The following DCC variants were observed in gnomAD, a reference collection of about 807,000 sequenced individuals.
DCC encodes the protein netrin receptor DCC.
A neutral mutation model predicts 172.5 loss-of-function variants in DCC; 58 were observed. That is an observed-to-expected ratio of 0.34 (90% CI 0.27 to 0.42). The LOEUF (loss-of-function observed/expected upper bound fraction) is 0.42, where lower values mean the gene tolerates loss of function less well. Ranked by LOEUF, DCC falls within the 10% of genes least tolerant of loss-of-function variation. The pLI is 1.00. For missense variants in DCC, 1,740 were observed against 1,791.0 expected (o/e 0.97, Z 0.51); for synonymous variants, 709 against 644.5 (o/e 1.10, Z -1.52).
intron 5 of DCC, among the ~76,000 whole-genome samples, chr18:53,004,498 G>A (rs1351050031): frequency 6.6e-6 from 1 of 152,162 alleles, no homozygotes; most frequent in African/African-American, 2.4e-5. Context: ...AATTTCTTAA[G>A]CATTGTCTTT....
intron 1 of DCC, among the ~76,000 whole-genome samples, chr18:52,580,970 A>G (rs2033530477): frequency 6.6e-6 from 1 of 152,100 alleles, no homozygotes; most frequent in Non-Finnish European, 1.5e-5. Flanking sequence ...TATCTGTTCA[A>G]TGTGTTCAGT....
chr18:52,516,687 G>A (rs2031652962), intron 1 of DCC, among the ~76,000 whole-genome samples: 1 of 152,122 alleles, frequency 6.6e-6, no homozygotes, highest in Non-Finnish European at 1.5e-5. Context: ...TTAAATACCT[G>A]AAAAGGTCAT....
chr18:52,981,666 CAAT>C (rs765940480), intron 5 of DCC, among the ~76,000 whole-genome samples: 2 of 151,998 alleles, frequency 1.3e-5, no homozygotes, highest in East Asian at 1.9e-4. Flanking sequence ...TCTACGCAAT[CAAT>C]AATATTTTTT....
chr18:52,438,040 A>G (rs1175445448), intron 1 of DCC, among the ~76,000 whole-genome samples: 2 of 152,210 alleles, frequency 1.3e-5, no homozygotes, highest in African/African-American at 2.4e-5. Context: ...TTTCAGGTAG[A>G]ACAGCAATAC....
chr18:53,334,620 C>T (rs139775590), intron 14 of DCC, among the ~76,000 whole-genome samples: 1 of 152,154 alleles, frequency 6.6e-6, no homozygotes. Context: ...CCACCATTCT[C>T]TTTTCTGTCT....
chr18:52,976,178 T>C (rs953240992), intron 5 of DCC, among the ~76,000 whole-genome samples: 3 of 152,154 alleles, frequency 2.0e-5, no homozygotes, highest in Non-Finnish European at 2.9e-5. Flanking sequence ...TCATGTCCTT[T>C]GCTCACATTT....
chr18:53,420,163 C>T (rs1302044160), intron 21 of DCC, among the ~76,000 whole-genome samples: 1 of 152,136 alleles, frequency 6.6e-6, no homozygotes, highest in African/African-American at 2.4e-5. Flanking sequence ...CCCAAAAGCC[C>T]TGATTTTAAC....
chr18:52,389,695 A>G (rs1985953582), intron 1 of DCC, among the ~76,000 whole-genome samples: 1 of 152,166 alleles, frequency 6.6e-6, no homozygotes, highest in Non-Finnish European at 1.5e-5. Context: ...AGAATAATTT[A>G]GCAGAAGCTA....
intron 1 of DCC, among the ~76,000 whole-genome samples, chr18:52,561,180 T>C (rs1175255369): frequency 6.6e-6 from 1 of 152,078 alleles, no homozygotes; most frequent in African/African-American, 2.4e-5. Context: ...TGGTTAAATA[T>C]ATTTTATTGG....
chr18:53,397,289 C>G lies in DCC; in HGVS notation c.2689-19C>G. 1 of 1,610,108 alleles carries G rather than the reference C, an allele frequency of 6.2e-7. No homozygotes were observed. Among genetic ancestry groups the G allele is most frequent in the South Asian group, 1.1e-5 (1 of 90,972 alleles). On this transcript the variant is annotated intron_variant, in intron 17 of 28. Transcript: ENST00000442544. ...ATAGAGTTTATTTTTTATCTCTTTG[C>G]TATTTCCTACTTGTATAGTCAGAAG... is the stretch of plus-strand genomic sequence containing the variant.
chr18:52,533,358 T>C (rs1404594896), intron 1 of DCC, among the ~76,000 whole-genome samples: 2 of 152,150 alleles, frequency 1.3e-5, no homozygotes, highest in African/African-American at 4.8e-5. Context: ...AATTTCAACA[T>C]CATAAAGATC....
In DCC at chr18:53,284,992, A is replaced by G. The variant is rs137971556; in HGVS notation, c.1912-20586A>G. On this transcript the variant is annotated intron_variant, in intron 12 of 28. Transcript: ENST00000442544. ...GAGATGATTTAGGGTATCTGGTGGA[A>G]GAAATTTCTAAGCAGCAAAGCATTC... Among the ~76,000 whole-genome samples, 396 of 152,298 alleles carry G rather than the reference A, an allele frequency of 2.6e-3. 3 individuals carry two copies. The highest frequency in any genetic ancestry group is 7.1e-3 in the Admixed American group (108 of 15,290).
chr18:52,648,455 C>G (rs937475407), intron 1 of DCC, among the ~76,000 whole-genome samples: 4 of 152,176 alleles, frequency 2.6e-5, no homozygotes. Context: ...TGCAAAGTAT[C>G]GCGTAACTAT....
At chr18:52,410,125 C>T (rs1986794745) in intron 1 of DCC, among the ~76,000 whole-genome samples, 1 of 152,116 alleles carries the variant, frequency 6.6e-6, no homozygotes, top group African/African-American at 2.4e-5. Flanking sequence ...TGTTTTTCCC[C>T]TTCAAAAACG....
chr18:52,961,549 C>T (rs1005058287), intron 5 of DCC, among the ~76,000 whole-genome samples: 1 of 152,162 alleles, frequency 6.6e-6, no homozygotes, highest in Admixed American at 6.5e-5. Context: ...TGAAGGAAAG[C>T]AAAGGCTCAT....
Position 53,193,084 on chromosome 18 carries a change from T to G in DCC, c.1574-12132T>G, listed in dbSNP as rs117527779. The stretch of plus-strand genomic sequence containing the variant: ...CTGTTTTCCTCTCTCTTCTGGACTA[T>G]GGAATATTCTACCAATTGATATCTC... On this transcript the variant is annotated intron_variant, in intron 9 of 28. Transcript: ENST00000442544. Among the ~76,000 whole-genome samples, 856 of 152,322 alleles carry G rather than the reference T, an allele frequency of 5.6e-3. 6 individuals carry two copies. The highest frequency in any genetic ancestry group is 0.023 in the Admixed American group (352 of 15,290).
chr18:52,561,150 A>G (rs192779209), intron 1 of DCC, among the ~76,000 whole-genome samples: 132 of 152,128 alleles, frequency 8.7e-4, no homozygotes, highest in African/African-American at 3.0e-3. Context: ...TTACAAATGT[A>G]CAGGTATTAT....
intron 1 of DCC, among the ~76,000 whole-genome samples, chr18:52,477,246 C>A (rs1176713539): frequency 6.6e-6 from 1 of 152,018 alleles, no homozygotes; most frequent in Non-Finnish European, 1.5e-5. Context: ...CTGCATCATG[C>A]GAAGAGATTG....
chr18:53,455,428 T>C (rs567167738), intron 23 of DCC, among the ~76,000 whole-genome samples: 66 of 152,268 alleles, frequency 4.3e-4, no homozygotes, highest in African/African-American at 1.5e-3. Context: ...TTTTTACTCA[T>C]TCACATCCCC....
Sources: gnomAD v4.1 joint callset for allele counts (sites outside exome capture counted in the v4.1 genomes callset) on GRCh38, gnomAD v4.1.1 for gene constraint, MANE v1.5 for transcripts, NCBI Gene and HGNC (gene_info 2026-07-23, HGNC 2026-07-21) for gene names.